The following PPP1R10 variants were observed in gnomAD, a reference collection of about 807,000 sequenced individuals.
The protein encoded by PPP1R10 is protein phosphatase 1 regulatory subunit 10.
Under a neutral mutation model 99.0 loss-of-function variants are expected in PPP1R10, and 15 were observed. The ratio of observed to expected loss-of-function variants is 0.15; its 90% confidence interval spans 0.10 to 0.23. The LOEUF is 0.23. Ranked by LOEUF, PPP1R10 falls within the 10% of genes least tolerant of loss-of-function variation. The pLI is 1.00. For missense variants in PPP1R10, 947 were observed against 1,259.4 expected, an observed-to-expected ratio of 0.75 and a Z score of 3.75; for synonymous variants, 430 against 449.5, an observed-to-expected ratio of 0.96 and a Z score of 0.55.
At position 30,606,156 on chromosome 6, in the gene PPP1R10, A is replaced by G; in HGVS notation, c.722T>C (p.Ile241Thr). 4 of 1,614,056 alleles carry G rather than the reference A, an allele frequency of 2.5e-6. No homozygotes were observed. The highest frequency in any genetic ancestry group is 3.4e-6 in the Non-Finnish European group (4 of 1,179,992). ...TCCATACCTCTGACGTTTGAGGGGG[A>G]TGGGTTTAAGGTTGTACTTGTCAGA... Reference protein sequence around the residue: ...VVSDKYNLKPIPLKRQSNVAA... With the variant: ...VVSDKYNLKPTPLKRQSNVAA... The change falls in exon 9 of 20, where the codon ATC becomes ACC. Residue 241 changes from isoleucine to threonine, a missense_variant. Physicochemically the swap from Ile to Thr is moderately conservative, Grantham distance 89. This residue lies in a region of PPP1R10 where 92 missense variants were observed against 159.2 expected (regional missense o/e 0.58). Transcript: ENST00000376511. The surrounding 1 kb of genome is among the most constrained non-coding windows in gnomAD (Gnocchi z 6.3).
Position 30,602,312 on chromosome 6 carries a change from A to T in PPP1R10, c.2337T>A (p.Ser779Arg). The T allele has an allele frequency of 6.2e-7, 1 of 1,609,890 alleles. No homozygotes were observed. Among genetic ancestry groups the T allele is most frequent in the African/African-American group, 1.4e-5 (1 of 73,870 alleles). Reference sequence around the variant, plus strand: ...CAGGGCCTTCATGGGGGCGATGCCCACTTCCCATGCCACCGCCAGGGCCTT... The same window carrying T: ...CAGGGCCTTCATGGGGGCGATGCCCTCTTCCCATGCCACCGCCAGGGCCTT... ...PHEGPGGGMG[S>R]GHRPHEGPGG... is the part of the protein sequence containing the mutation. The change falls in exon 19 of 20, where the codon AGT becomes AGA. Residue 779 changes from serine (S) to arginine (R), a missense_variant. Ser to Arg is a moderately radical substitution (Grantham distance 110). Around this residue, in one of 10 missense-constraint regions of PPP1R10, gnomAD observed 525 missense variants for 578.8 expected, o/e 0.91. Coordinates refer to ENST00000376511, the MANE Select transcript of PPP1R10 (RefSeq NM_002714.4). This position sits in a 1 kb window ranked among gnomAD's most constrained non-coding sequence, Gnocchi z 6.7.
In PPP1R10 at chr6:30,605,210, C is replaced by G; in HGVS notation, c.854-116G>C. 4.8e-6 allele frequency: 4 copies of G among 825,224 alleles called. No individual in the cohort carries two copies. The South Asian group carries it at 6.6e-5, about 14-fold the overall frequency. The allele number at this position is 825,224 out of a possible 1,614,324, so 51.1% of individuals were successfully genotyped here. A position where few individuals can be genotyped will look rare whatever the true frequency, so the allele number is the denominator to read the frequency against. On this transcript the variant is annotated intron_variant, in intron 10 of 19. Coordinates refer to ENST00000376511, the MANE Select transcript of PPP1R10 (RefSeq NM_002714.4). Reference sequence around the variant, plus strand: ...GAAGACCCTGCCTCAACTTAGGACACGATAAGCTCAAGAGGACCAGGAAGC... The same window carrying G: ...GAAGACCCTGCCTCAACTTAGGACAGGATAAGCTCAAGAGGACCAGGAAGC...
intron 2 of PPP1R10, among the ~76,000 whole-genome samples, chr6:30,613,130 A>G (rs558696787): frequency 6.6e-6 from 1 of 152,172 alleles, no homozygotes; most frequent in Non-Finnish European, 1.5e-5. Flanking sequence ...GGAATTTTCT[A>G]CCATTTTTAC....
chr6:30,615,038 A>T (rs1343840244), intron 2 of PPP1R10, among the ~76,000 whole-genome samples: 1 of 152,178 alleles, frequency 6.6e-6, no homozygotes, highest in Non-Finnish European at 1.5e-5. Flanking sequence ...AAAGCTGATT[A>T]CATCACCTTT....
intron 6 of PPP1R10, among the ~76,000 whole-genome samples, chr6:30,607,531 C>A (rs898932544): frequency 3.9e-5 from 6 of 152,066 alleles, no homozygotes; most frequent in Non-Finnish European, 5.9e-5. Flanking sequence ...AGATGAGACA[C>A]GCTAGGATGA....
In PPP1R10 at chr6:30,609,231, CTG is replaced by C; in HGVS notation, c.108-70_108-69del. 2.8e-6 allele frequency: 4 copies of C among 1,435,294 alleles called. No individual in the cohort carries two copies. The highest frequency in any genetic ancestry group is 3.9e-6 in the Non-Finnish European group (4 of 1,022,904). 88.9% of individuals were successfully genotyped at this position (1,435,294 alleles called of 1,614,324 possible). ...CTCTTCTCTTAGCAAAAGCGCCTCTCTGTGAACTGCCTAGAGATTCCTAATGA... is the reference window on the plus strand; with the variant it reads ...CTCTTCTCTTAGCAAAAGCGCCTCTCTGAACTGCCTAGAGATTCCTAATGA... On this transcript the variant is annotated intron_variant, in intron 3 of 19. Coordinates refer to ENST00000376511, the MANE Select transcript of PPP1R10 (RefSeq NM_002714.4). The surrounding 1 kb of genome is among the most constrained non-coding windows in gnomAD (Gnocchi z 4.5).
chr6:30,601,558 G>T lies in PPP1R10; in HGVS notation c.2814C>A (p.Pro938=). The T allele has an allele frequency of 6.2e-7, 1 of 1,613,864 alleles. No homozygotes were observed. ...AFYHPGVNGP[P]LP ...GGCAGGCAAATGGTCCCTAGGGCAG[G>T]GGGGGCCCATTGACACCCGGGTGGT... Residue 938 remains proline, a synonymous_variant, in exon 20 of 20, where the codon CCC becomes CCA. Coordinates refer to ENST00000376511, the MANE Select transcript of PPP1R10 (RefSeq NM_002714.4).
At chr6:30,607,980 C>G (rs1267903538) in intron 5 of PPP1R10, 89 bp from the exon 6 acceptor site, 2 of 1,267,316 alleles carry the variant, frequency 1.6e-6, no homozygotes, top group Non-Finnish European at 2.2e-6. Context: ...ACAGTCCTCC[C>G]TGCTTTTTTT....
At chr6:30,615,055 T>C (rs953893755) in intron 2 of PPP1R10, among the ~76,000 whole-genome samples, 1 of 152,152 alleles carries the variant, frequency 6.6e-6, no homozygotes, top group African/African-American at 2.4e-5. Context: ...CTTTCAAGGC[T>C]GCTCCTCCCA....
rs1280247135 is a variant in PPP1R10 at position 30,602,954 on chromosome 6, G to A, written c.1849C>T (p.His617Tyr). ...ATTGGGCCAGGGCCTAGGAGTCCAT[G>A]TGGCACTGTTAATGAAAACAAGAGT... ...SDKIKQMLVP[H>Y]GLLGPGPIAN... The change falls in exon 18 of 20, where the codon CAT (histidine) becomes TAT (tyrosine). Residue 617 changes from histidine (H) to tyrosine (Y), a missense_variant. Physicochemically the swap from His to Tyr is moderately conservative, Grantham distance 83. Transcript: ENST00000376511. The surrounding 1 kb of genome is among the most constrained non-coding windows in gnomAD (Gnocchi z 6.7). 13 of 1,544,902 alleles carry A rather than the reference G, an allele frequency of 8.4e-6. No homozygotes were observed. Among genetic ancestry groups the A allele is most frequent in the Non-Finnish European group, 1.1e-5 (13 of 1,144,216 alleles).
Position 30,605,967 on chromosome 6 carries a change from G to A in PPP1R10, c.809C>T (p.Pro270Leu). Residue 270 changes from proline (P) to leucine (L), a missense_variant, in exon 10 of 20, where the codon CCT becomes CTT. Coordinates refer to ENST00000376511, the MANE Select transcript of PPP1R10 (RefSeq NM_002714.4). Reference sequence around the variant, plus strand: ...CACTTTGATCTCTTTGGTGGCATTAGGTGTTGTGTTGAGTGGCTTGTATTT... The same window carrying A: ...CACTTTGATCTCTTTGGTGGCATTAAGTGTTGTGTTGAGTGGCTTGTATTT... The part of the protein sequence containing the change: ...EKKYKPLNTT[P>L]NATKEIKVKI... 6.2e-7 allele frequency: 1 copy of A among 1,614,002 alleles called. No homozygotes were observed. Among genetic ancestry groups the A allele is most frequent in the South Asian group, 1.1e-5 (1 of 91,078 alleles).
rs1432220787 is a variant in PPP1R10 at position 30,616,747 on chromosome 6, G to A, written c.-281C>T. The A allele has an allele frequency of 6.6e-6, 1 of 152,164 alleles. No individual in the cohort carries two copies. Among genetic ancestry groups the A allele is most frequent in the Non-Finnish European group, 1.5e-5 (1 of 68,044 alleles). 9.4% of individuals were successfully genotyped at this position (152,164 alleles called of 1,614,324 possible). On this transcript the variant is annotated 5_prime_UTR_variant, in exon 2 of 20. Coordinates refer to ENST00000376511, the MANE Select transcript of PPP1R10 (RefSeq NM_002714.4). ...TGAGTGAATTTGGGTGGTTTGGGAA[G>A]GGAGGGTGGTTGATTATTTTTGAAG...
intron 2 of PPP1R10, among the ~76,000 whole-genome samples, chr6:30,615,156 G>A (rs1328811714): frequency 2.0e-5 from 3 of 149,556 alleles, no homozygotes; most frequent in Non-Finnish European, 3.0e-5. Context: ...TTGTAATGGA[G>A]AAAGAGGACT....
chr6:30,602,618 A>T lies in PPP1R10; in HGVS notation c.2031T>A (p.Asp677Glu). ...LGPPPPPRGG[D>E]PFWDGPGDPM... ...GGTCGCCCGGGCCATCCCAGAAGGG[A>T]TCACCTCCCCGGGGAGGGGGTGGAG... Residue 677 changes from aspartate to glutamate, a missense_variant, in exon 19 of 20, where the codon GAT becomes GAA. Around this residue, in one of 10 missense-constraint regions of PPP1R10, gnomAD observed 525 missense variants for 578.8 expected, o/e 0.91. Coordinates refer to ENST00000376511, the MANE Select transcript of PPP1R10 (RefSeq NM_002714.4). This position sits in a 1 kb window ranked among gnomAD's most constrained non-coding sequence, Gnocchi z 6.7. The T allele has an allele frequency of 1.3e-6, 2 of 1,586,504 alleles. No homozygotes were observed. The highest frequency in any genetic ancestry group is 1.7e-6 in the Non-Finnish European group (2 of 1,169,442).
In PPP1R10 at chr6:30,606,465, T is replaced by C. The variant is rs1285126284; in HGVS notation, c.634+3A>G. On this transcript the variant is annotated splice_donor_region_variant and intron_variant, in intron 8 of 19. Transcript: ENST00000376511. The surrounding 1 kb of genome is among the most constrained non-coding windows in gnomAD (Gnocchi z 6.3). The stretch of plus-strand genomic sequence containing the variant: ...CCCTCCAGAGGCCAGCCGCCAGTCT[T>C]ACCAGTGGAACGGAACTTGGCATGA... 6 of 1,612,738 alleles carry C rather than the reference T, an allele frequency of 3.7e-6. No homozygotes were observed. The East Asian group carries it at 1.1e-4, about 30-fold the overall frequency.
At chr6:30,605,153 GCAAA>G in intron 10 of PPP1R10, 59 bp from the exon 11 acceptor site, 6 of 1,460,024 alleles carry the variant, frequency 4.1e-6, no homozygotes, top group Non-Finnish European at 5.7e-6. Flanking sequence ...TCCTACACCT[GCAAA>G]CACAGTCCAG....
intron 2 of PPP1R10, among the ~76,000 whole-genome samples, chr6:30,615,007 G>A (rs1760308392): frequency 6.6e-6 from 1 of 152,172 alleles, no homozygotes; most frequent in Non-Finnish European, 1.5e-5. Context: ...GGAGCTTCAA[G>A]AGGGTGGAGA....
Position 30,604,619 on chromosome 6 carries a change from G to C in PPP1R10, c.1071C>G (p.Pro357=). 1 of 1,613,078 alleles carries C rather than the reference G, an allele frequency of 6.2e-7. No homozygotes were observed. Among genetic ancestry groups the C allele is most frequent in the Non-Finnish European group, 8.5e-7 (1 of 1,180,032 alleles). ...CCATGAGCTCCGGGACTTCAACAGG[G>C]GGAACCGGGGTGCCTGGACGGTCTG... ...MDADRPGTPV[P]PVEVPELMDT... Residue 357 remains proline, a synonymous_variant, in exon 12 of 20, where the codon CCC becomes CCG. Transcript: ENST00000376511. The surrounding 1 kb of genome is among the most constrained non-coding windows in gnomAD (Gnocchi z 7.3).
chr6:30,607,983 CTTTTTT>C, intron 5 of PPP1R10, 92 bp from the exon 6 acceptor site: 2 of 905,902 alleles, frequency 2.2e-6, no homozygotes, highest in Non-Finnish European at 3.2e-6. Flanking sequence ...GTCCTCCCTG[CTTTTTT>C]TTTTTTTTTT....
Sources: allele counts gnomAD v4.1 joint callset (sites outside exome capture counted in the v4.1 genomes callset), GRCh38; gene constraint gnomAD v4.1.1; regional missense constraint gnomAD v4.1.1; non-coding constraint Gnocchi (gnomAD v3.1); transcripts MANE v1.5; gene names NCBI Gene and HGNC (gene_info 2026-07-23, HGNC 2026-07-21).